GRM5: variants seen among roughly 807,000 people sequenced by gnomAD.
The protein encoded by GRM5 is metabotropic glutamate receptor 5.
Under a neutral mutation model 83.1 loss-of-function variants are expected in GRM5, and 19 were observed. The ratio of observed to expected loss-of-function variants is 0.23; its 90% CI spans 0.16 to 0.34. GRM5 has a LOEUF of 0.34. Among genes scored for constraint, GRM5 ranks in the 10% least tolerant of loss-of-function variants. The probability of loss-of-function intolerance (pLI) is 1.00; values close to 1 mark genes in which losing one functional copy is unlikely to be tolerated. For missense variants in GRM5, 1,160 were observed against 1,588.3 expected (o/e 0.73, Z 4.58); for synonymous variants, 675 against 633.6 (o/e 1.07, Z -0.98).
At chr11:88,882,880 G>C (rs1336615399) in intron 2 of GRM5, among the ~76,000 whole-genome samples, 1 of 152,244 alleles carries the variant, frequency 6.6e-6, no homozygotes, top group South Asian at 2.1e-4. Context: ...TCTTTCCCAT[G>C]CTTCTCATGA....
chr11:88,813,354 T>G (rs1323913687), intron 3 of GRM5, among the ~76,000 whole-genome samples: 1 of 152,180 alleles, frequency 6.6e-6, no homozygotes, highest in Admixed American at 6.5e-5. Context: ...GCTGGGGATT[T>G]TTTAGTTCTC....
chr11:88,581,768 T>A (rs1179568206), intron 7 of GRM5, among the ~76,000 whole-genome samples: 2 of 152,190 alleles, frequency 1.3e-5, no homozygotes, highest in African/African-American at 4.8e-5. Flanking sequence ...GAGGCTTTGA[T>A]GAAAAAGCGA....
At chr11:88,727,832 A>G (rs1461437957) in intron 3 of GRM5, among the ~76,000 whole-genome samples, 4 of 152,228 alleles carry the variant, frequency 2.6e-5, no homozygotes, top group African/African-American at 9.6e-5. Context: ...CTTGAAACCA[A>G]TGAGAACAAA....
At chr11:88,738,060 A>C (rs564619252) in intron 3 of GRM5, among the ~76,000 whole-genome samples, 2 of 108,324 alleles carry the variant, frequency 1.8e-5, no homozygotes, top group African/African-American at 9.7e-5. Context: ...GTATTCAGAG[A>C]GTATTTTTTG....
chr11:88,910,924 C>A (rs1251300037), intron 2 of GRM5, among the ~76,000 whole-genome samples: 2 of 151,940 alleles, frequency 1.3e-5, no homozygotes, highest in African/African-American at 4.8e-5. Flanking sequence ...TGGTCTCTAT[C>A]CCTTTTCAGT....
At chr11:88,927,242 G>A (rs1432990501) in intron 2 of GRM5, among the ~76,000 whole-genome samples, 1 of 111,892 alleles carries the variant, frequency 8.9e-6, no homozygotes, top group African/African-American at 2.7e-5. Context: ...TTCTTCTAGG[G>A]CTATTTACAC....
chr11:88,613,872 T>C (rs1391363014), intron 4 of GRM5, among the ~76,000 whole-genome samples: 3 of 152,184 alleles, frequency 2.0e-5, no homozygotes, highest in African/African-American at 7.2e-5. Context: ...TACCTTATTA[T>C]AGAATTGTGG....
intron 4 of GRM5, among the ~76,000 whole-genome samples, chr11:88,611,491 G>A (rs1591380968): frequency 6.6e-6 from 1 of 152,058 alleles, no homozygotes; most frequent in East Asian, 1.9e-4. Flanking sequence ...AGGTTTTCTT[G>A]TTTGTGTGCA....
Position 89,002,261 on chromosome 11 carries a change from G to C in GRM5, c.661+44951C>G, listed in dbSNP as rs1940405389. 2.0e-5 allele frequency among the ~76,000 whole-genome samples: 3 copies of C among 152,232 alleles called. No individual in the cohort carries two copies. In the South Asian group the frequency reaches 6.2e-4, roughly 32 times the overall value. The stretch of plus-strand genomic sequence containing the variant: ...GCTTTAAATAAAGTCATAACAAAGA[G>C]CTAACATGCTTTTATTAAAATGTGT... On this transcript the variant is annotated intron_variant, in intron 2 of 9. Coordinates refer to ENST00000305447, the MANE Select transcript of GRM5 (RefSeq NM_001143831.3).
At chr11:88,814,029 G>T (rs979410261) in intron 3 of GRM5, among the ~76,000 whole-genome samples, 2 of 151,958 alleles carry the variant, frequency 1.3e-5, no homozygotes, top group Admixed American at 6.6e-5. Flanking sequence ...ATTACTAAAT[G>T]ATTCCAAAAT....
intron 8 of GRM5, among the ~76,000 whole-genome samples, chr11:88,555,841 T>C (rs1196830001): frequency 6.6e-6 from 1 of 152,288 alleles, no homozygotes; most frequent in African/African-American, 2.4e-5. Flanking sequence ...TATTATATGA[T>C]GCATAAAATT....
Position 88,776,655 on chromosome 11 carries a change from A to T in GRM5, c.911+73251T>A, listed in dbSNP as rs184160108. 8.7e-4 allele frequency among the ~76,000 whole-genome samples: 133 copies of T among 152,168 alleles called. 1 individual carries two copies. Among genetic ancestry groups the T allele is most frequent in the Admixed American group, 7.7e-3 (117 of 15,280 alleles). ...CCTGGTGGTGACAATATCTCTCAGC[A>T]TTTGCTTCTCTGTAGAGGATTTTAT... is the stretch of plus-strand genomic sequence containing the variant. On this transcript the variant is annotated intron_variant, in intron 3 of 9. Coordinates refer to ENST00000305447, the MANE Select transcript of GRM5 (RefSeq NM_001143831.3).
intron 8 of GRM5, among the ~76,000 whole-genome samples, chr11:88,536,191 A>T (rs1297078479): frequency 6.6e-6 from 1 of 152,218 alleles, no homozygotes; most frequent in Non-Finnish European, 1.5e-5. Context: ...TTGTTCACAT[A>T]TATTGAAGAA....
chr11:88,582,762 G>A (rs954120796), intron 7 of GRM5, among the ~76,000 whole-genome samples: 1 of 152,048 alleles, frequency 6.6e-6, no homozygotes, highest in African/African-American at 2.4e-5. Flanking sequence ...AAGCACATTT[G>A]GAATAAAAAA....
At chr11:88,912,388 C>T (rs1024376580) in intron 2 of GRM5, among the ~76,000 whole-genome samples, 2 of 151,462 alleles carry the variant, frequency 1.3e-5, no homozygotes, top group African/African-American at 2.4e-5. Flanking sequence ...GAAAACAAGG[C>T]TCTCATCTGG....
chr11:88,984,043 T>C (rs1410385936), intron 2 of GRM5, among the ~76,000 whole-genome samples: 1 of 152,196 alleles, frequency 6.6e-6, no homozygotes, highest in Non-Finnish European at 1.5e-5. Context: ...GTTATTATGA[T>C]AATAAAAAAC....
chr11:88,885,444 T>C (rs545887529), intron 2 of GRM5, among the ~76,000 whole-genome samples: 30 of 140,810 alleles, frequency 2.1e-4, no homozygotes, highest in African/African-American at 7.5e-4. Context: ...CTATAGTAGG[T>C]ACCATGTTTT....
At chr11:88,798,285 G>T (rs950124607) in intron 3 of GRM5, among the ~76,000 whole-genome samples, 3 of 152,044 alleles carry the variant, frequency 2.0e-5, no homozygotes, top group Non-Finnish European at 2.9e-5. Context: ...TCTGAAAAAT[G>T]CCTTGAGGGC....
At chr11:88,686,010 G>T (rs117554112) in intron 3 of GRM5, among the ~76,000 whole-genome samples, 1 of 152,090 alleles carries the variant, frequency 6.6e-6, no homozygotes, top group African/African-American at 2.4e-5. Flanking sequence ...AGAAGAGGTC[G>T]ACTGTCCTCC....
Sources: allele counts gnomAD v4.1 joint callset (sites outside exome capture counted in the v4.1 genomes callset), GRCh38; gene constraint gnomAD v4.1.1; transcripts MANE v1.5; gene names NCBI Gene and HGNC (gene_info 2026-07-23, HGNC 2026-07-21).